The following CRLF1 variants were observed in gnomAD, a reference collection of about 807,000 sequenced individuals.
The protein encoded by CRLF1 is cytokine receptor-like factor 1.
In CRLF1, 36 loss-of-function variants were observed where a neutral mutation model predicts 48.9. The ratio of observed to expected loss-of-function variants is 0.74; its 90% CI spans 0.56 to 0.97. CRLF1 has a LOEUF of 0.97. CRLF1 is among the 50% of genes least tolerant of loss of function. The pLI is 0.00. For synonymous variants in CRLF1, 256 were observed against 253.4 expected (o/e 1.01, Z -0.10); for missense variants, 534 against 575.1 (o/e 0.93, Z 0.73).
intron 6 of CRLF1, among the ~76,000 whole-genome samples, chr19:18,594,881 G>A (rs1482283944): frequency 6.6e-6 from 1 of 152,174 alleles, no homozygotes; most frequent in Non-Finnish European, 1.5e-5. Flanking sequence ...AAAGCCAAGG[G>A]TGTCAGCCCA....
chr19:18,603,867 A>AGCCGAGGAGGCGGGGGCG (rs1976252445), intron 1 of CRLF1, among the ~76,000 whole-genome samples: 1 of 118,578 alleles, frequency 8.4e-6, no homozygotes, highest in African/African-American at 3.2e-5. Context: ...AGCGGGCCAG[A>AGCCGAGGAGGCGGGGGCG]GCCGAGGAGG....
Position 18,606,740 on chromosome 19 carries a change from G to C in CRLF1, c.-84C>G, listed in dbSNP as rs1323051691. The C allele has an allele frequency of 6.2e-6, 1 of 161,954 alleles. No individual in the cohort carries two copies. The highest frequency in any genetic ancestry group is 1.2e-5 in the Non-Finnish European group (1 of 80,526). 10.0% of individuals were successfully genotyped at this position (161,954 alleles called of 1,614,324 possible). ...CGCGGGACGCAGGCCGGGCGCGGGA[G>C]GGCGCGGGCCAGGCCGCCCGCACGT... is the stretch of plus-strand genomic sequence containing the variant. On this transcript the variant is annotated 5_prime_UTR_variant, in exon 1 of 9. Coordinates refer to ENST00000392386, the MANE Select transcript of CRLF1 (RefSeq NM_004750.5). This position sits in a 1 kb window ranked among gnomAD's most constrained non-coding sequence, Gnocchi z 4.8.
At chr19:18,604,422 T>G (rs1976262868) in intron 1 of CRLF1, among the ~76,000 whole-genome samples, 1 of 152,224 alleles carries the variant, frequency 6.6e-6, no homozygotes, top group South Asian at 2.1e-4. Flanking sequence ...CCTGGCCAAT[T>G]GACTTCCCCT....
At chr19:18,603,271 G>A (rs895077367) in intron 1 of CRLF1, among the ~76,000 whole-genome samples, 2 of 152,270 alleles carry the variant, frequency 1.3e-5, no homozygotes, top group Non-Finnish European at 2.9e-5. Context: ...AGAAAGTAAA[G>A]CAGGGGCTGG....
At chr19:18,594,197 C>A (rs1165680999) in intron 7 of CRLF1, 50 bp downstream of exon 7, 5 of 1,608,938 alleles carry the variant, frequency 3.1e-6, no homozygotes, top group Non-Finnish European at 3.4e-6. Context: ...TTTCTGGGCC[C>A]CCCCAGCTCC....
At position 18,596,644 on chromosome 19, in the gene CRLF1, T is replaced by G. The variant is rs1335945056; in HGVS notation, c.1002A>C (p.Thr334=). The change falls in exon 6 of 9, where the codon ACA becomes ACC. Residue 334 remains threonine (T), a synonymous_variant. Transcript: ENST00000392386. ...CACCACTGCGGGGAGTGGAGGCGGC[T>G]GTGGGGTGGCTCCACTCACTCCAGA... ...AGIWSEWSHP[T]AASTPRSERP... is the part of the protein sequence containing the mutation. 1 of 1,613,426 alleles carries G rather than the reference T, an allele frequency of 6.2e-7. No homozygotes were observed. The highest frequency in any genetic ancestry group is 1.3e-5 in the African/African-American group (1 of 74,818).
intron 6 of CRLF1, among the ~76,000 whole-genome samples, chr19:18,596,411 G>A (rs1243749507): frequency 1.3e-5 from 2 of 152,146 alleles, no homozygotes; most frequent in Non-Finnish European, 2.9e-5. Flanking sequence ...ATGTTGGCGC[G>A]TGCCTGTAGT....
At chr19:18,595,372 G>A (rs1976119270) in intron 6 of CRLF1, among the ~76,000 whole-genome samples, 1 of 152,236 alleles carries the variant, frequency 6.6e-6, no homozygotes, top group Non-Finnish European at 1.5e-5. Flanking sequence ...CAGGATAGGG[G>A]CTGGGGAGCT....
At position 18,606,735 on chromosome 19, in the gene CRLF1, C is replaced by A. The variant is rs936129468; in HGVS notation, c.-79G>T. On this transcript the variant is annotated 5_prime_UTR_variant, in exon 1 of 9. Transcript: ENST00000392386. This position sits in a 1 kb window ranked among gnomAD's most constrained non-coding sequence, Gnocchi z 4.8. ...CAGGGCGCGGGACGCAGGCCGGGCG[C>A]GGGAGGGCGCGGGCCAGGCCGCCCG... 2.0e-4 allele frequency: 32 copies of A among 162,272 alleles called. No homozygotes were observed. The highest frequency in any genetic ancestry group is 7.8e-4 in the African/African-American group (32 of 40,882). The allele number at this position is 162,272 out of a possible 1,614,324, so 10.1% of individuals were successfully genotyped here. A position where few individuals can be genotyped will look rare whatever the true frequency, so the allele number is the denominator to read the frequency against.
chr19:18,604,949 G>C (rs949905867), intron 1 of CRLF1, among the ~76,000 whole-genome samples: 3 of 152,152 alleles, frequency 2.0e-5, no homozygotes, highest in Non-Finnish European at 4.4e-5. Context: ...AAGCAGGGCG[G>C]AAGGGTGGCC....
chr19:18,593,722 C>T, intron 8 of CRLF1, 143 bp from the exon 9 acceptor site: 1 of 1,515,048 alleles, frequency 6.6e-7, no homozygotes, highest in Non-Finnish European at 8.9e-7. Flanking sequence ...CCTCTCCGGG[C>T]CTTGGCGAGG....
At chr19:18,594,032 T>TTGGGGCGC in intron 8 of CRLF1, 33 bp downstream of exon 8, 3 of 695,806 alleles carry the variant, frequency 4.3e-6, no homozygotes, top group Non-Finnish European at 6.6e-6. Context: ...CTCCCCTTGC[T>TTGGGGCGC]CCCTCCCGCC....
At chr19:18,599,164 G>C (rs542694989) in intron 2 of CRLF1, 1 of 958,350 alleles carries the variant, frequency 1.0e-6, no homozygotes, top group African/African-American at 1.8e-5. Flanking sequence ...GGAGTGCAAT[G>C]GTGCCATCTC....
intron 4 of CRLF1, among the ~76,000 whole-genome samples, chr19:18,597,776 G>A (rs1976162033): frequency 6.6e-6 from 1 of 152,104 alleles, no homozygotes; most frequent in Non-Finnish European, 1.5e-5. Context: ...CATTTTGCTG[G>A]GTGCAGAGAA....
At position 18,593,246 on chromosome 19, in the gene CRLF1, T is replaced by C. The variant is rs979797666; in HGVS notation, c.*320A>G. Reference sequence around the variant, plus strand: ...CACCTTCACAATCACAGCACCTAAATAGCTCATTTATTTAAAAGGACTCTT... The same window carrying C: ...CACCTTCACAATCACAGCACCTAAACAGCTCATTTATTTAAAAGGACTCTT... On this transcript the variant is annotated 3_prime_UTR_variant, in exon 9 of 9. Coordinates refer to ENST00000392386, the MANE Select transcript of CRLF1 (RefSeq NM_004750.5). 1.1e-5 allele frequency: 4 copies of C among 367,446 alleles called. No homozygotes were observed. Among genetic ancestry groups the C allele is most frequent in the East Asian group, 9.5e-5 (2 of 21,016 alleles). The allele number at this position is 367,446 out of a possible 1,614,324, so 22.8% of individuals were successfully genotyped here.
Position 18,593,374 on chromosome 19 carries a change from C to A in CRLF1, c.*192G>T, listed in dbSNP as rs1976081673. ...ACCAACCCTCACACACACACACACA[C>A]CCACTGGGGTGCACCCAAAGGTGGC... On this transcript the variant is annotated 3_prime_UTR_variant, in exon 9 of 9. Coordinates refer to ENST00000392386, the MANE Select transcript of CRLF1 (RefSeq NM_004750.5). The A allele has an allele frequency of 8.5e-6, 6 of 706,856 alleles. No individual in the cohort carries two copies. The Admixed American group carries it at 1.1e-4, about 13-fold the overall frequency. 43.8% of individuals were successfully genotyped at this position (706,856 alleles called of 1,614,324 possible).
chr19:18,599,773 G>A lies in CRLF1; in HGVS notation c.189C>T (p.His63=), dbSNP rs1219018189. The A allele has an allele frequency of 8.2e-6, 13 of 1,593,298 alleles. No individual in the cohort carries two copies. Among genetic ancestry groups the A allele is most frequent in the East Asian group, 2.3e-5 (1 of 44,302 alleles). ...GSSLLATCSV[H]GDPPGATAEG... ...CGGCGGTGGCTCCTGGTGGGTCTCC[G>A]TGCACTGAGCAGGTGGCCAGCAGGG... The change falls in exon 2 of 9, where the codon CAC becomes CAT. Residue 63 remains histidine (H), a synonymous_variant. Transcript: ENST00000392386.
chr19:18,602,816 G>C (rs909656689), intron 1 of CRLF1, among the ~76,000 whole-genome samples: 1 of 148,348 alleles, frequency 6.7e-6, no homozygotes, highest in African/African-American at 2.5e-5. Flanking sequence ...GTCTCACTCT[G>C]TCACCCAGGC....
At chr19:18,594,148 G>A (rs1976096482) in intron 7 of CRLF1, 41 bp from the exon 8 acceptor site, 1 of 1,589,108 alleles carries the variant, frequency 6.3e-7, no homozygotes, top group East Asian at 2.3e-5. Context: ...GGGGGCTGCA[G>A]ACCTGCGTCC....
Sources: allele counts gnomAD v4.1 joint callset (sites outside exome capture counted in the v4.1 genomes callset), GRCh38; gene constraint gnomAD v4.1.1; non-coding constraint Gnocchi (gnomAD v3.1); transcripts MANE v1.5; gene names NCBI Gene and HGNC (gene_info 2026-07-23, HGNC 2026-07-21).